MTMR8: variants seen among roughly 807,000 people sequenced by gnomAD.
The protein encoded by MTMR8 is phosphatidylinositol-3,5-bisphosphate 3-phosphatase MTMR8.
A neutral mutation model predicts 39.3 loss-of-function variants in MTMR8; 65 were observed. The ratio of observed to expected loss-of-function variants is 1.65; its 90% CI spans 1.35 to 2.03. The LOEUF (loss-of-function observed/expected upper bound fraction) is 2.03, where lower values mean the gene tolerates loss of function less well. Among genes scored for constraint, MTMR8 ranks in the 30% most tolerant of loss-of-function variants. The pLI is 0.00. For synonymous variants in MTMR8, 245 were observed against 185.2 expected, an observed-to-expected ratio of 1.32 and a Z score of -2.62; for missense variants, 777 against 538.9, an observed-to-expected ratio of 1.44 and a Z score of -4.37.
intron 2 of MTMR8, among the ~76,000 whole-genome samples, chrX:64,358,759 G>A (rs184485090): frequency 3.7e-5 from 4 of 108,657 alleles, no homozygotes; most frequent in Non-Finnish European, 7.6e-5. Context: ...GATGGGTAAG[G>A]CATAAAGTAA....
chrX:64,358,974 A>G (rs1444721118), intron 2 of MTMR8, among the ~76,000 whole-genome samples: 1 of 110,522 alleles, frequency 9.0e-6, no homozygotes, highest in Non-Finnish European at 1.9e-5. Context: ...TAGCATCAGC[A>G]TAACCTGAGC....
At chrX:64,304,501 C>T (rs1922012461) in intron 12 of MTMR8, among the ~76,000 whole-genome samples, 1 of 111,351 alleles carries the variant, frequency 9.0e-6, no homozygotes. Flanking sequence ...TTGGACACTG[C>T]TTCATAGCAA....
At chrX:64,383,736 C>T (rs761054111) in intron 1 of MTMR8, among the ~76,000 whole-genome samples, 1 of 110,467 alleles carries the variant, frequency 9.1e-6, no homozygotes, top group Non-Finnish European at 1.9e-5. Context: ...GAGAGATGCA[C>T]CCCCATCATC....
intron 12 of MTMR8, among the ~76,000 whole-genome samples, chrX:64,301,260 G>C (rs1275792959): frequency 9.3e-6 from 1 of 107,113 alleles, no homozygotes; most frequent in African/African-American, 3.4e-5. Context: ...ATATTTCTTG[G>C]AGGCTTTGCT....
chrX:64,348,659 C>G lies in MTMR8; in HGVS notation c.732+1G>C. 8.3e-7 allele frequency: 1 copy of G among 1,209,707 alleles called. No individual in the cohort carries two copies. Among genetic ancestry groups the G allele is most frequent in the African/African-American group, 1.7e-5 (1 of 57,682 alleles). ...CAAAGAAATCACTGAGAAATAGATA[C>G]CTTTGGTCTTGTGTCTACAACATAC... On this transcript the variant is annotated splice_donor_variant, in intron 6 of 13. Transcript: ENST00000374852. LOFTEE classifies it high-confidence loss of function.
chrX:64,354,669 G>A, intron 4 of MTMR8, 108 bp downstream of exon 4: 1 of 798,527 alleles, frequency 1.3e-6, no homozygotes, highest in Non-Finnish European at 1.8e-6. Context: ...TGAATGGAAA[G>A]GAGAGAGAGA....
chrX:64,307,981 T>G (rs1922174224), intron 12 of MTMR8, among the ~76,000 whole-genome samples: 1 of 112,114 alleles, frequency 8.9e-6, no homozygotes, highest in Non-Finnish European at 1.9e-5. Flanking sequence ...AATGTCTGTA[T>G]GTTCATTGCT....
At chrX:64,310,185 C>G (rs1343513845) in intron 12 of MTMR8, among the ~76,000 whole-genome samples, 1 of 111,838 alleles carries the variant, frequency 8.9e-6, no homozygotes, top group Non-Finnish European at 1.9e-5. Flanking sequence ...TATTATAAAT[C>G]CTTTGCTATC....
At chrX:64,346,673 C>A (rs1186818968) in intron 6 of MTMR8, among the ~76,000 whole-genome samples, 2 of 109,994 alleles carry the variant, frequency 1.8e-5, no homozygotes, top group African/African-American at 6.6e-5. Flanking sequence ...GTAACAGATA[C>A]CTATTTAATG....
intron 1 of MTMR8, among the ~76,000 whole-genome samples, chrX:64,380,793 G>A (rs1381176266): frequency 1.8e-5 from 2 of 110,798 alleles, no homozygotes; most frequent in East Asian, 5.7e-4. Context: ...CCCTTGCTGT[G>A]TCCATGTGTT....
chrX:64,283,390 C>A (rs1413705716), intron 12 of MTMR8, among the ~76,000 whole-genome samples: 1 of 112,186 alleles, frequency 8.9e-6, no homozygotes, highest in Non-Finnish European at 1.9e-5. Context: ...TACACTCCAC[C>A]TCTGGGGGCA....
At chrX:64,317,220 G>A (rs769010305) in intron 12 of MTMR8, among the ~76,000 whole-genome samples, 2 of 110,795 alleles carry the variant, frequency 1.8e-5, no homozygotes, top group African/African-American at 3.3e-5. Flanking sequence ...TCAGCTTCTC[G>A]AATCTATACG....
chrX:64,326,824 C>A (rs1447948618), intron 12 of MTMR8, among the ~76,000 whole-genome samples: 1 of 109,157 alleles, frequency 9.2e-6, no homozygotes, highest in Non-Finnish European at 1.9e-5. Context: ...GCTATAGCAA[C>A]CAAAATAGAA....
intron 1 of MTMR8, among the ~76,000 whole-genome samples, chrX:64,362,391 C>A (rs938705149): frequency 2.1e-5 from 2 of 96,061 alleles, no homozygotes; most frequent in Non-Finnish European, 4.1e-5. Flanking sequence ...ATTTGCTCTA[C>A]TAGGTATTAA....
At chrX:64,302,223 G>A (rs1236391461) in intron 12 of MTMR8, among the ~76,000 whole-genome samples, 1 of 112,542 alleles carries the variant, frequency 8.9e-6, no homozygotes, top group East Asian at 2.8e-4. Flanking sequence ...GCGAGATTCC[G>A]CGGGCGTAGG....
At chrX:64,311,523 C>T (rs983992297) in intron 12 of MTMR8, among the ~76,000 whole-genome samples, 3 of 111,572 alleles carry the variant, frequency 2.7e-5, no homozygotes, top group African/African-American at 6.5e-5. Flanking sequence ...TCTATTTTGG[C>T]TTTTGTTGCC....
chrX:64,277,406 T>C (rs779615978), intron 12 of MTMR8, among the ~76,000 whole-genome samples: 3 of 112,351 alleles, frequency 2.7e-5, no homozygotes, highest in East Asian at 5.6e-4. Flanking sequence ...CCATGTTTAG[T>C]GCTTCCTTCA....
At chrX:64,285,451 T>C (rs1248220466) in intron 12 of MTMR8, among the ~76,000 whole-genome samples, 3 of 110,831 alleles carry the variant, frequency 2.7e-5, no homozygotes, top group Non-Finnish European at 3.8e-5. Context: ...AGGAACTGAA[T>C]TCAGCTCTGC....
At position 64,268,480 on chromosome X, in the gene MTMR8, G is replaced by A; in HGVS notation, c.*57C>T. On this transcript the variant is annotated 3_prime_UTR_variant, in exon 14 of 14. Coordinates refer to ENST00000374852, the MANE Select transcript of MTMR8 (RefSeq NM_017677.4). ...GGAAAAGCAGCATAGCCCTCTCTGG[G>A]ACAAGAATCATTGTAGCTGCTGTAG... The A allele has an allele frequency of 8.7e-7, 1 of 1,149,762 alleles. No individual in the cohort carries two copies. The highest frequency in any genetic ancestry group is 1.2e-6 in the Non-Finnish European group (1 of 864,326). 94.8% of individuals were successfully genotyped at this position (1,149,762 alleles called of 1,213,427 possible). A position where few individuals can be genotyped will look rare whatever the true frequency, so the allele number is the denominator to read the frequency against.
Sources: gnomAD v4.1 joint callset for allele counts (sites outside exome capture counted in the v4.1 genomes callset) on GRCh38, gnomAD v4.1.1 for gene constraint, MANE v1.5 for transcripts, NCBI Gene and HGNC (gene_info 2026-07-23, HGNC 2026-07-21) for gene names.